POLK: variants seen among roughly 807,000 people sequenced by gnomAD.
POLK encodes DNA polymerase kappa, also known as polymerase (DNA directed) kappa.
A neutral mutation model predicts 94.0 loss-of-function variants in POLK; 76 were observed. The observed-to-expected ratio is 0.81, with a 90% CI of 0.67 to 0.98. The LOEUF is 0.98. Among genes scored for constraint, POLK ranks in the 50% least tolerant of loss-of-function variants. POLK has a pLI of 0.00. For synonymous variants in POLK, 349 were observed against 325.4 expected (o/e 1.07, Z -0.78); for missense variants, 954 against 1,010.1 (o/e 0.94, Z 0.75).
Position 75,550,202 on chromosome 5 carries a change from A to G in POLK, c.136-2270A>G, listed in dbSNP as rs1580994418. Among the ~76,000 whole-genome samples the G allele has an allele frequency of 2.6e-5, 4 of 152,318 alleles. 1 individual carries two copies. The East Asian group carries it at 7.7e-4, about 29-fold the overall frequency. ...ATTATGAATGCAAAAGTCCTCAACA[A>G]AATATTAGAGGACTGATTTAAACAA... On this transcript the variant is annotated intron_variant, in intron 2 of 14. Transcript: ENST00000241436.
At chr5:75,511,415 T>A (rs1439879148), upstream of POLK, 1 of 1,544,602 alleles carries the variant, frequency 6.5e-7, no homozygotes. Flanking sequence ...GGACGAGCGG[T>A]GAAGGAAGCC....
intron 1 of POLK, among the ~76,000 whole-genome samples, chr5:75,527,667 GT>G (rs1316840169): frequency 6.6e-6 from 1 of 151,972 alleles, no homozygotes; most frequent in Non-Finnish European, 1.5e-5. Flanking sequence ...GAACCTGGTA[GT>G]TTTGCTTTCA....
upstream of POLK, chr5:75,511,721 A>C (rs1269027411): frequency 6.5e-7 from 1 of 1,546,514 alleles, no homozygotes; most frequent in Non-Finnish European, 8.7e-7. Context: ...GTCTGACGCG[A>C]CACGCCGAGC....
At chr5:75,526,503 A>G (rs142735769) in intron 1 of POLK, among the ~76,000 whole-genome samples, 5 of 149,274 alleles carry the variant, frequency 3.3e-5, no homozygotes, top group African/African-American at 1.2e-4. Flanking sequence ...TTCTTTTTCA[A>G]TATTTTTCAT....
At chr5:75,598,558 T>C in exon 15 of POLK, 1 of 152,580 alleles carries the variant, frequency 6.6e-6, no homozygotes, top group East Asian at 1.9e-4. Flanking sequence ...TTGCCTAAAA[T>C]ATAATTTTTA....
downstream of POLK, among the ~76,000 whole-genome samples, chr5:75,602,091 G>A (rs1011543664): frequency 2.0e-5 from 3 of 152,096 alleles, no homozygotes; most frequent in Admixed American, 1.3e-4. Flanking sequence ...AGTCACATGG[G>A]GACATGCTTA....
intron 12 of POLK, among the ~76,000 whole-genome samples, chr5:75,595,216 A>T (rs1481325884): frequency 7.2e-6 from 1 of 139,204 alleles, no homozygotes; most frequent in Non-Finnish European, 1.5e-5. Context: ...GTTGCACTCC[A>T]GCCTGGGCAA....
upstream of POLK, among the ~76,000 whole-genome samples, chr5:75,510,895 A>G (rs1767934864): frequency 6.6e-6 from 1 of 152,048 alleles, no homozygotes; most frequent in Non-Finnish European, 1.5e-5. Context: ...TCAGGTTTAT[A>G]CACCCTTTCC....
chr5:75,563,027 A>G (rs1427988336), intron 3 of POLK, among the ~76,000 whole-genome samples: 2 of 152,250 alleles, frequency 1.3e-5, no homozygotes, highest in African/African-American at 4.8e-5. Context: ...TGGCCTCATA[A>G]AATGAGTTAG....
intron 1 of POLK, among the ~76,000 whole-genome samples, chr5:75,519,130 A>G (rs1414421188): frequency 1.3e-5 from 2 of 152,232 alleles, no homozygotes; most frequent in Non-Finnish European, 2.9e-5. Context: ...CCTGCCAGGA[A>G]CAAGTCATTT....
chr5:75,586,954 T>C, intron 9 of POLK, 72 bp from the exon 10 acceptor site: 1 of 1,029,516 alleles, frequency 9.7e-7, no homozygotes, highest in Non-Finnish European at 1.5e-6. Context: ...TAATTGATAA[T>C]GTTAAATCCT....
intron 2 of POLK, among the ~76,000 whole-genome samples, chr5:75,547,922 G>A (rs955147600): frequency 3.9e-5 from 6 of 152,046 alleles, no homozygotes; most frequent in African/African-American, 9.7e-5. Flanking sequence ...TGAAAAATTA[G>A]TTTCATATCT....
chr5:75,603,412 A>G (rs1234879369), downstream of POLK, among the ~76,000 whole-genome samples: 4 of 146,364 alleles, frequency 2.7e-5, no homozygotes, highest in African/African-American at 1.1e-4. Context: ...CATTCCCATA[A>G]TAGCACTCTC....
At chr5:75,595,844 G>A (rs1159942537) in intron 12 of POLK, among the ~76,000 whole-genome samples, 1 of 151,628 alleles carries the variant, frequency 6.6e-6, no homozygotes, top group Non-Finnish European at 1.5e-5. Flanking sequence ...GGATCTTTGG[G>A]AACTCATTGT....
chr5:75,535,371 T>C (rs1271397772), intron 1 of POLK, among the ~76,000 whole-genome samples: 4 of 152,198 alleles, frequency 2.6e-5, no homozygotes, highest in African/African-American at 9.6e-5. Context: ...CCCTCTTCTT[T>C]CTAGCTGCCT....
chr5:75,558,535 A>G (rs1770765449), intron 3 of POLK, among the ~76,000 whole-genome samples: 2 of 152,036 alleles, frequency 1.3e-5, no homozygotes, highest in Admixed American at 1.3e-4. Flanking sequence ...TTGTTCTTTG[A>G]TTTATTTCTG....
In POLK at chr5:75,573,937, C is replaced by G. The variant is rs1195093613; in HGVS notation, c.540+68C>G. 5 of 1,516,030 alleles carry G rather than the reference C, an allele frequency of 3.3e-6. No homozygotes were observed. The African/African-American group carries it at 6.9e-5, about 21-fold the overall frequency. 93.9% of individuals were successfully genotyped at this position (1,516,030 alleles called of 1,614,324 possible). On this transcript the variant is annotated intron_variant, in intron 5 of 14. Transcript: ENST00000241436. ...CCTGTCACCTACAGAATCTCAAGTCCAAGTGCCTTAGCACGTAGGATTTGG... is the reference window on the plus strand; with the variant it reads ...CCTGTCACCTACAGAATCTCAAGTCGAAGTGCCTTAGCACGTAGGATTTGG...
intron 1 of POLK, among the ~76,000 whole-genome samples, chr5:75,517,851 A>T (rs1002697439): frequency 6.6e-6 from 1 of 152,160 alleles, no homozygotes; most frequent in African/African-American, 2.4e-5. Flanking sequence ...TCATAAAGAG[A>T]TGTTGAATTT....
At chr5:75,523,771 T>C (rs1168268409) in intron 1 of POLK, among the ~76,000 whole-genome samples, 1 of 152,160 alleles carries the variant, frequency 6.6e-6, no homozygotes, top group African/African-American at 2.4e-5. Flanking sequence ...TTTAAATATA[T>C]GCGTGATGAG....
Sources: gnomAD v4.1 joint callset for allele counts (sites outside exome capture counted in the v4.1 genomes callset) on GRCh38, gnomAD v4.1.1 for gene constraint, MANE v1.5 for transcripts, NCBI Gene and HGNC (gene_info 2026-07-23, HGNC 2026-07-21) for gene names.